The following ACBD6 variants were observed in gnomAD, a reference collection of about 807,000 sequenced individuals.
ACBD6 encodes the protein acyl-CoA binding domain containing 6, also known as acyl-CoA-binding domain-containing protein 6.
In ACBD6, 28 loss-of-function variants were observed where a neutral mutation model predicts 37.2. That is an observed-to-expected ratio of 0.75 (90% CI 0.56 to 1.03). The LOEUF is 1.03. Among genes scored for constraint, ACBD6 ranks in the 50% least tolerant of loss-of-function variants. The pLI is 0.00. For missense variants in ACBD6, 340 were observed against 337.4 expected (o/e 1.01, Z -0.06); for synonymous variants, 113 against 126.8 (o/e 0.89, Z 0.73).
chr1:180,294,546 AT>A (rs1194008173), intron 7 of ACBD6, among the ~76,000 whole-genome samples: 2 of 150,710 alleles, frequency 1.3e-5, no homozygotes, highest in Admixed American at 6.6e-5. Context: ...ACTTAAAAAA[AT>A]ATATAATAAT....
intron 1 of ACBD6, among the ~76,000 whole-genome samples, chr1:180,496,684 C>T (rs936196593): frequency 2.0e-5 from 3 of 152,162 alleles, no homozygotes; most frequent in Non-Finnish European, 2.9e-5. Context: ...TAACAATTAC[C>T]ACCTCTATCA....
At chr1:180,390,406 C>T (rs1024790473) in intron 6 of ACBD6, among the ~76,000 whole-genome samples, 1 of 150,936 alleles carries the variant, frequency 6.6e-6, no homozygotes, top group African/African-American at 2.4e-5. Context: ...GTTACTGTAG[C>T]CTTGTAGTAT....
rs372504397 is a variant in ACBD6, at chr1:180,461,589, G to T, written c.384+30680C>A. The stretch of plus-strand genomic sequence containing the variant: ...CTCTCAATGGAAACCCTGCAAGCCA[G>T]AAGAGATTTGAGGCCAATATTTAAC... On this transcript the variant is annotated intron_variant, in intron 3 of 7. Coordinates refer to ENST00000367595, the MANE Select transcript of ACBD6 (RefSeq NM_032360.4). Among the ~76,000 whole-genome samples the T allele has an allele frequency of 8.5e-5, 13 of 152,342 alleles. No homozygotes were observed. The East Asian group carries it at 1.9e-3, about 23-fold the overall frequency.
chr1:180,477,016 C>A (rs1422738081), intron 3 of ACBD6, among the ~76,000 whole-genome samples: 3 of 152,036 alleles, frequency 2.0e-5, no homozygotes, highest in African/African-American at 7.3e-5. Flanking sequence ...ACCCCCTTAT[C>A]CATGGGGTAT....
At chr1:180,333,038 C>G (rs1021854459) in intron 6 of ACBD6, among the ~76,000 whole-genome samples, 3 of 152,136 alleles carry the variant, frequency 2.0e-5, no homozygotes, top group Non-Finnish European at 4.4e-5. Context: ...TTCAGAATTA[C>G]TGAGGACCTC....
At chr1:180,463,867 T>A (rs1650243599) in intron 3 of ACBD6, among the ~76,000 whole-genome samples, 2 of 152,188 alleles carry the variant, frequency 1.3e-5, no homozygotes, top group East Asian at 3.8e-4. Context: ...CATGATCAAG[T>A]AGGCTTCATC....
chr1:180,367,981 T>C (rs538168395), intron 6 of ACBD6, among the ~76,000 whole-genome samples: 2 of 152,316 alleles, frequency 1.3e-5, no homozygotes, highest in East Asian at 3.9e-4. Context: ...CTTTCCATAA[T>C]GGTTGAACTA....
intron 6 of ACBD6, among the ~76,000 whole-genome samples, chr1:180,352,658 C>A (rs967166086): frequency 1.3e-5 from 2 of 152,156 alleles, no homozygotes; most frequent in African/African-American, 4.8e-5. Context: ...AAAGAACAAA[C>A]ATGAGCAAAG....
intron 7 of ACBD6, among the ~76,000 whole-genome samples, chr1:180,296,423 C>A (rs1311292224): frequency 6.6e-6 from 1 of 151,480 alleles, no homozygotes; most frequent in Non-Finnish European, 1.5e-5. Flanking sequence ...TACTACACAA[C>A]AGATTTTCTT....
exon 11 of ACBD6, chr1:180,274,060 T>C: frequency 8.2e-7 from 1 of 1,226,238 alleles, no homozygotes; most frequent in East Asian, 2.3e-5. Flanking sequence ...TGACCCATGC[T>C]TGGCTGCAAG....
At chr1:180,299,696 G>A (rs1413870802) in intron 7 of ACBD6, among the ~76,000 whole-genome samples, 1 of 152,074 alleles carries the variant, frequency 6.6e-6, no homozygotes, top group Non-Finnish European at 1.5e-5. Context: ...TGCCCACTCT[G>A]AAATCACATG....
At chr1:180,392,172 G>C (rs1468282861) in intron 6 of ACBD6, among the ~76,000 whole-genome samples, 2 of 152,068 alleles carry the variant, frequency 1.3e-5, no homozygotes, top group Non-Finnish European at 2.9e-5. Flanking sequence ...TTGACAGGAA[G>C]TAACTTTAGG....
Position 180,297,384 on chromosome 1 carries a change from T to C in ACBD6, c.695-8867A>G, listed in dbSNP as rs928292930. On this transcript the variant is annotated intron_variant, in intron 7 of 7. Transcript: ENST00000367595. ...CTTCTAAGTGAATCAAAGTGGAGGG[T>C]AGATTTTTTTGTGAGCTAAAATCAG... Among the ~76,000 whole-genome samples, 17 of 152,256 alleles carry C rather than the reference T, an allele frequency of 1.1e-4. 1 individual carries two copies. Among genetic ancestry groups the C allele is most frequent in the African/African-American group, 3.6e-4 (15 of 41,526 alleles).
intron 3 of ACBD6, among the ~76,000 whole-genome samples, chr1:180,443,245 C>T (rs1056611335): frequency 6.6e-6 from 1 of 152,150 alleles, no homozygotes; most frequent in Admixed American, 6.5e-5. Context: ...TGAAGTGAAA[C>T]CCTTCTGAAG....
chr1:180,456,579 G>C (rs558161848), intron 3 of ACBD6, among the ~76,000 whole-genome samples: 89 of 152,280 alleles, frequency 5.8e-4, no homozygotes, highest in Non-Finnish European at 1.2e-3. Context: ...TAGGCACACA[G>C]AACATTTCTT....
intron 4 of ACBD6, among the ~76,000 whole-genome samples, chr1:180,419,378 A>G (rs980925071): frequency 6.6e-6 from 1 of 152,246 alleles, no homozygotes; most frequent in African/African-American, 2.4e-5. Context: ...GAATCTTATA[A>G]TCTGCAGCAT....
intron 3 of ACBD6, among the ~76,000 whole-genome samples, chr1:180,437,894 G>A (rs1649115538): frequency 6.6e-6 from 1 of 152,166 alleles, no homozygotes; most frequent in Non-Finnish European, 1.5e-5. Flanking sequence ...TCCAGCCATA[G>A]GAAAAAGCCA....
rs375441662 is a variant in ACBD6, at chr1:180,274,285, C to T, written c.*937-173G>A. ...TAATGAATGGGAGCTTCTCCATGGA[C>T]GGGACAGGACAATCCTATCAGGACT... On this transcript the variant is annotated intron_variant, in intron 10 of 13. Transcript: ENST00000642319. 326 of 1,614,140 alleles carry T rather than the reference C, an allele frequency of 2.0e-4. No individual in the cohort carries two copies. Among genetic ancestry groups the T allele is most frequent in the Admixed American group, 1.0e-3 (60 of 60,034 alleles).
intron 3 of ACBD6, among the ~76,000 whole-genome samples, chr1:180,466,494 A>G (rs1472122148): frequency 1.3e-5 from 2 of 152,216 alleles, no homozygotes; most frequent in Non-Finnish European, 2.9e-5. Flanking sequence ...CAGTTTGATT[A>G]TAGTGTTCAT....
Sources: allele counts gnomAD v4.1 joint callset (sites outside exome capture counted in the v4.1 genomes callset), GRCh38; gene constraint gnomAD v4.1.1; transcripts MANE v1.5; gene names NCBI Gene and HGNC (gene_info 2026-07-23, HGNC 2026-07-21).